GHR: variants seen among roughly 807,000 people sequenced by gnomAD.
The protein encoded by GHR is GH receptor.
In GHR, 35 loss-of-function variants were observed where a neutral mutation model predicts 67.1. The ratio of observed to expected loss-of-function variants is 0.52; its 90% CI spans 0.40 to 0.69. GHR has a LOEUF of 0.69. GHR is among the 30% of genes least tolerant of loss of function. GHR has a pLI of 0.00. For missense variants in GHR, 792 were observed against 764.6 expected (o/e 1.04, Z -0.42); for synonymous variants, 272 against 269.1 (o/e 1.01, Z -0.10).
At chr5:42,545,291 A>G (rs774220113) in intron 1 of GHR, among the ~76,000 whole-genome samples, 2 of 152,214 alleles carry the variant, frequency 1.3e-5, no homozygotes, top group Non-Finnish European at 2.9e-5. Flanking sequence ...AAGAATTGCT[A>G]AAAGCTGCAT....
intron 1 of GHR, among the ~76,000 whole-genome samples, chr5:42,426,859 T>C (rs1742873435): frequency 6.6e-6 from 1 of 152,216 alleles, no homozygotes; most frequent in Admixed American, 6.5e-5. Flanking sequence ...AATTATCTGG[T>C]GCATGAACCT....
At chr5:42,625,040 GATA>G (rs1361321913) in intron 2 of GHR, among the ~76,000 whole-genome samples, 1 of 151,992 alleles carries the variant, frequency 6.6e-6, no homozygotes, top group Non-Finnish European at 1.5e-5. Context: ...TATAGATGAA[GATA>G]ATAATAAAAT....
At chr5:42,572,181 T>C (rs1005067975) in intron 2 of GHR, among the ~76,000 whole-genome samples, 2 of 152,162 alleles carry the variant, frequency 1.3e-5, no homozygotes, top group South Asian at 2.1e-4. Context: ...CTGTATATGA[T>C]ATAGAACTGT....
chr5:42,699,778 T>A lies in GHR; in HGVS notation c.440-46T>A, dbSNP rs201878825. The A allele has an allele frequency of 2.3e-6, 3 of 1,279,092 alleles. No homozygotes were observed. In the African/African-American group the frequency reaches 4.4e-5, roughly 19 times the overall value. 79.2% of individuals were successfully genotyped at this position (1,279,092 alleles called of 1,614,324 possible). ...CTGAGAAGAATGCCTTCCATTAATA[T>A]TAAATTGTGTCTGTCTGTGTACTAA... On this transcript the variant is annotated intron_variant, in intron 5 of 9. Transcript: ENST00000230882.
chr5:42,589,929 TG>T (rs1308571211), intron 2 of GHR, among the ~76,000 whole-genome samples: 2 of 152,168 alleles, frequency 1.3e-5, no homozygotes, highest in African/African-American at 4.8e-5. Flanking sequence ...GAGGGCCATA[TG>T]GAGGTGAAAA....
At chr5:42,612,502 A>G (rs1055594659) in intron 2 of GHR, among the ~76,000 whole-genome samples, 2 of 152,102 alleles carry the variant, frequency 1.3e-5, no homozygotes, top group Non-Finnish European at 2.9e-5. Context: ...TTAATATATC[A>G]AACTAGCATG....
At position 42,719,714 on chromosome 5, in the gene GHR, G is replaced by A. The variant is rs910972536; in HGVS notation, c.*290G>A. The A allele has an allele frequency of 7.4e-5, 31 of 416,346 alleles. No homozygotes were observed. The highest frequency in any genetic ancestry group is 1.2e-4 in the Non-Finnish European group (27 of 221,732). The allele number at this position is 416,346 out of a possible 1,614,324, so 25.8% of individuals were successfully genotyped here. ...TGTGGGTGTTAATTTTTGATACTAA[G>A]CATTGAATGGCTATGTTTTTAATGT... On this transcript the variant is annotated 3_prime_UTR_variant, in exon 10 of 10. Transcript: ENST00000230882.
intron 1 of GHR, among the ~76,000 whole-genome samples, chr5:42,523,739 A>T (rs902413705): frequency 6.6e-6 from 1 of 152,082 alleles, no homozygotes; most frequent in Non-Finnish European, 1.5e-5. Context: ...TGTGTCCCCA[A>T]CCAAATCTCA....
At chr5:42,435,557 T>C (rs760698908) in intron 1 of GHR, among the ~76,000 whole-genome samples, 33 of 152,300 alleles carry the variant, frequency 2.2e-4, no homozygotes, top group Admixed American at 4.6e-4. Context: ...TGCAGAAAAG[T>C]TGCAAAAATT....
rs370356836 is a variant in GHR, at chr5:42,469,882, C to T, written c.-12+45927C>T. On this transcript the variant is annotated intron_variant, in intron 1 of 9. Transcript: ENST00000230882. ...TTTCTTTCTGTGAAGTTCCTAGGGA[C>T]ACTTAACGGAGTGGGGACAGGTATT... Among the ~76,000 whole-genome samples the T allele has an allele frequency of 3.3e-5, 5 of 152,140 alleles. No individual in the cohort carries two copies. The East Asian group carries it at 9.6e-4, about 29-fold the overall frequency.
intron 3 of GHR, among the ~76,000 whole-genome samples, chr5:42,676,473 T>C (rs959928293): frequency 6.6e-6 from 1 of 152,168 alleles, no homozygotes; most frequent in African/African-American, 2.4e-5. Context: ...AAGAAAATAT[T>C]TTATTAAATT....
chr5:42,540,216 T>TCC (rs1748444136), intron 1 of GHR, among the ~76,000 whole-genome samples: 1 of 151,946 alleles, frequency 6.6e-6, no homozygotes, highest in African/African-American at 2.4e-5. Context: ...TCTCTCTCTC[T>TCC]CTCTGTATCT....
intron 2 of GHR, among the ~76,000 whole-genome samples, chr5:42,572,829 G>C (rs560520492): frequency 4.7e-4 from 71 of 152,246 alleles, no homozygotes; most frequent in African/African-American, 1.7e-3. Context: ...TGTTTTTATA[G>C]AAACTTTCAC....
chr5:42,442,786 C>T (rs1197852215), intron 1 of GHR, among the ~76,000 whole-genome samples: 1 of 152,086 alleles, frequency 6.6e-6, no homozygotes, highest in Non-Finnish European at 1.5e-5. Flanking sequence ...GAAATCAAGA[C>T]AAAAACACAA....
intron 1 of GHR, among the ~76,000 whole-genome samples, chr5:42,488,835 C>T (rs1313905272): frequency 6.6e-6 from 1 of 152,196 alleles, no homozygotes; most frequent in African/African-American, 2.4e-5. Context: ...ATCTACCAAA[C>T]ATGTGCATGG....
At chr5:42,564,711 A>G (rs1316260892) in intron 1 of GHR, among the ~76,000 whole-genome samples, 1 of 152,206 alleles carries the variant, frequency 6.6e-6, no homozygotes, top group Admixed American at 6.5e-5. Context: ...CCCATGGAAA[A>G]AAACATCTTT....
intron 1 of GHR, among the ~76,000 whole-genome samples, chr5:42,517,988 TTC>T (rs1455255486): frequency 6.6e-6 from 1 of 152,036 alleles, no homozygotes; most frequent in African/African-American, 2.4e-5. Context: ...AGCGGCTCAG[TTC>T]TCTCAGTTCC....
At chr5:42,612,531 C>T (rs1416258260) in intron 2 of GHR, among the ~76,000 whole-genome samples, 1 of 152,002 alleles carries the variant, frequency 6.6e-6, no homozygotes, top group Non-Finnish European at 1.5e-5. Context: ...GACACAACAT[C>T]ACATTACAAA....
chr5:42,530,907 G>C (rs72754917), intron 1 of GHR, among the ~76,000 whole-genome samples: 10,294 of 152,218 alleles, frequency 0.068, 421 homozygotes, highest in African/African-American at 0.097. Flanking sequence ...AATATACAAG[G>C]GAAATGCTCC....
Sources: allele counts gnomAD v4.1 joint callset (sites outside exome capture counted in the v4.1 genomes callset), GRCh38; gene constraint gnomAD v4.1.1; transcripts MANE v1.5; gene names NCBI Gene and HGNC (gene_info 2026-07-23, HGNC 2026-07-21).